Variants in GABBR2 observed in about 807,000 individuals in gnomAD.
The protein encoded by GABBR2 is G-protein coupled receptor 51.
In GABBR2, 23 loss-of-function variants were observed where a neutral mutation model predicts 105.6. That is an observed-to-expected ratio of 0.22 (90% CI 0.16 to 0.31). The LOEUF (loss-of-function observed/expected upper bound fraction) is 0.31, where lower values mean the gene tolerates loss of function less well. Ranked by LOEUF, GABBR2 falls within the 10% of genes least tolerant of loss-of-function variation. GABBR2 has a pLI of 1.00. For missense variants in GABBR2, 734 were observed against 1,245.5 expected (o/e 0.59, Z 6.18); for synonymous variants, 478 against 499.7 (o/e 0.96, Z 0.58).
At chr9:98,500,554 G>C (rs988515638) in intron 3 of GABBR2, among the ~76,000 whole-genome samples, 2 of 152,238 alleles carry the variant, frequency 1.3e-5, no homozygotes, top group Admixed American at 1.3e-4. Context: ...ACCCAAAGGG[G>C]AAAACTCTCC....
chr9:98,523,963 A>C (rs545922299), intron 3 of GABBR2, among the ~76,000 whole-genome samples: 2 of 151,148 alleles, frequency 1.3e-5, no homozygotes, highest in East Asian at 3.9e-4. Flanking sequence ...AAACTATCTA[A>C]TCAAGGGGAA....
At chr9:98,673,573 G>A (rs10116189) in intron 1 of GABBR2, among the ~76,000 whole-genome samples, 14,490 of 118,546 alleles carry the variant, frequency 0.12, 1,232 homozygotes, top group African/African-American at 0.29. Context: ...ACGAGAAAAC[G>A]TTTTCTAAGT....
At chr9:98,452,321 A>G (rs1287344708) in intron 7 of GABBR2, among the ~76,000 whole-genome samples, 1 of 152,354 alleles carries the variant, frequency 6.6e-6, no homozygotes, top group East Asian at 1.9e-4. Context: ...TAGCCCACTC[A>G]ACGTATTCTT....
intron 3 of GABBR2, among the ~76,000 whole-genome samples, chr9:98,522,088 A>T (rs559868034): frequency 3.4e-4 from 52 of 152,134 alleles, no homozygotes; most frequent in Admixed American, 7.2e-4. Context: ...GGAAATGAAT[A>T]ATGTTATGAG....
At chr9:98,497,661 G>A (rs548951349) in intron 3 of GABBR2, among the ~76,000 whole-genome samples, 18 of 152,226 alleles carry the variant, frequency 1.2e-4, no homozygotes, top group East Asian at 1.9e-4. Flanking sequence ...AGTTTCTTCC[G>A]CTTTAGGAGA....
intron 6 of GABBR2, among the ~76,000 whole-genome samples, chr9:98,462,779 T>C (rs1826447870): frequency 6.6e-6 from 1 of 152,210 alleles, no homozygotes; most frequent in Admixed American, 6.5e-5. Flanking sequence ...ATGGCTACTC[T>C]GACTCAGAAT....
At chr9:98,433,403 C>T (rs1158503744) in intron 7 of GABBR2, among the ~76,000 whole-genome samples, 1 of 152,198 alleles carries the variant, frequency 6.6e-6, no homozygotes, top group African/African-American at 2.4e-5. Flanking sequence ...CATACATTTA[C>T]ACTAAGGATA....
chr9:98,515,060 A>G (rs1209252620), intron 3 of GABBR2, among the ~76,000 whole-genome samples: 1 of 152,194 alleles, frequency 6.6e-6, no homozygotes, highest in African/African-American at 2.4e-5. Flanking sequence ...TTCTAACAAG[A>G]GAATGAGCCA....
chr9:98,646,393 G>A (rs559749367), intron 1 of GABBR2, among the ~76,000 whole-genome samples: 7 of 152,178 alleles, frequency 4.6e-5, no homozygotes, highest in Non-Finnish European at 1.0e-4. Context: ...GGGGAGTTGA[G>A]TGTGTCCTAT....
At chr9:98,628,543 T>C (rs755404185) in intron 1 of GABBR2, among the ~76,000 whole-genome samples, 28 of 152,344 alleles carry the variant, frequency 1.8e-4, no homozygotes, top group Non-Finnish European at 2.6e-4. Flanking sequence ...TTTTTCTTTC[T>C]CTTTTATATA....
chr9:98,587,640 G>A (rs1588240679), intron 1 of GABBR2, among the ~76,000 whole-genome samples: 1 of 152,166 alleles, frequency 6.6e-6, no homozygotes. Flanking sequence ...GGCAGAAGAG[G>A]GAAGAGAAGT....
At chr9:98,668,634 C>A (rs1830367765) in intron 1 of GABBR2, among the ~76,000 whole-genome samples, 1 of 152,134 alleles carries the variant, frequency 6.6e-6, no homozygotes, top group Non-Finnish European at 1.5e-5. Flanking sequence ...TTTTTCATCA[C>A]CCCCAACTAA....
chr9:98,468,395 AGGACAGG>A (rs1432666153), intron 6 of GABBR2, among the ~76,000 whole-genome samples: 2 of 152,332 alleles, frequency 1.3e-5, no homozygotes, highest in Admixed American at 1.3e-4. Flanking sequence ...CAAGTACAAG[AGGACAGG>A]GGTTTGACAA....
At chr9:98,561,711 C>A (rs563848644) in intron 2 of GABBR2, among the ~76,000 whole-genome samples, 1 of 152,052 alleles carries the variant, frequency 6.6e-6, no homozygotes, top group Non-Finnish European at 1.5e-5. Context: ...GGCGAGACTC[C>A]GTCTCTACAA....
chr9:98,384,512 C>G (rs1832037092), intron 11 of GABBR2, among the ~76,000 whole-genome samples: 1 of 152,074 alleles, frequency 6.6e-6, no homozygotes, highest in Non-Finnish European at 1.5e-5. Flanking sequence ...ATCACTTGAA[C>G]CCAGGAGGCG....
intron 13 of GABBR2, among the ~76,000 whole-genome samples, chr9:98,321,817 CTG>C (rs926453199): frequency 2.7e-4 from 41 of 152,158 alleles, no homozygotes; most frequent in Non-Finnish European, 4.3e-4. Context: ...CACTAAATGA[CTG>C]AGAGAGAAAA....
intron 1 of GABBR2, among the ~76,000 whole-genome samples, chr9:98,679,720 T>A (rs1202967699): frequency 6.6e-6 from 1 of 152,194 alleles, no homozygotes; most frequent in Admixed American, 6.5e-5. Context: ...TCCCGCCCTT[T>A]TCTCTTGAAG....
chr9:98,486,677 G>C (rs1443264448), intron 4 of GABBR2, among the ~76,000 whole-genome samples: 1 of 152,186 alleles, frequency 6.6e-6, no homozygotes, highest in African/African-American at 2.4e-5. Context: ...TATATAAAGA[G>C]AGGAGATGCT....
chr9:98,514,756 A>G (rs1250266718), intron 3 of GABBR2, among the ~76,000 whole-genome samples: 1 of 152,044 alleles, frequency 6.6e-6, no homozygotes, highest in Non-Finnish European at 1.5e-5. Context: ...ATATGTAACA[A>G]ATCTGCACGT....
Sources: allele counts gnomAD v4.1 joint callset (sites outside exome capture counted in the v4.1 genomes callset), GRCh38; gene constraint gnomAD v4.1.1; transcripts MANE v1.5; gene names NCBI Gene and HGNC (gene_info 2026-07-23, HGNC 2026-07-21).